FGF3: variants seen among roughly 807,000 people sequenced by gnomAD.
The protein encoded by FGF3 is FGF-3.
A neutral mutation model predicts 9.8 loss-of-function variants in FGF3; 7 were observed. The observed-to-expected ratio is 0.72, with a 90% CI of 0.41 to 1.35. The LOEUF is 1.35. Among genes scored for constraint, FGF3 ranks in the 40% most tolerant of loss-of-function variants. The pLI is 0.01. For missense variants in FGF3, 390 were observed against 345.6 expected, an observed-to-expected ratio of 1.13 and a Z score of -1.02; for synonymous variants, 173 against 157.2, an observed-to-expected ratio of 1.10 and a Z score of -0.75.
intron 2 of FGF3, among the ~76,000 whole-genome samples, chr11:69,813,645 T>G: frequency 7.5e-6 from 1 of 133,542 alleles, no homozygotes; most frequent in Non-Finnish European, 1.6e-5. Context: ...GATGGGTGGA[T>G]GGGTGGATGG....
intron 2 of FGF3, among the ~76,000 whole-genome samples, chr11:69,812,360 G>T (rs1338713583): frequency 6.6e-6 from 1 of 152,114 alleles, no homozygotes; most frequent in Admixed American, 6.5e-5. Flanking sequence ...TCAGCGACAT[G>T]AAAGCCCAGA....
At position 69,814,366 on chromosome 11, in the gene FGF3, G is replaced by A. The variant is rs1403812504; in HGVS notation, c.324+1954C>T. On this transcript the variant is annotated intron_variant, in intron 2 of 2. Transcript: ENST00000334134. ...TACCATGACTCCCAGCCCACTCTGG[G>A]TGAGAGTGAGTGGCTGGTGGGGCGA... is the stretch of plus-strand genomic sequence containing the variant. Among the ~76,000 whole-genome samples, 7 of 152,028 alleles carry A rather than the reference G, an allele frequency of 4.6e-5. No homozygotes were observed. The East Asian group carries it at 1.4e-3, about 29-fold the overall frequency.
intron 2 of FGF3, among the ~76,000 whole-genome samples, chr11:69,811,319 G>A (rs1451980496): frequency 2.0e-5 from 3 of 151,884 alleles, no homozygotes; most frequent in Non-Finnish European, 4.4e-5. Context: ...GTGTGGTGGC[G>A]TGCGCCCACA....
In FGF3 at chr11:69,810,515, G is replaced by T. The variant is rs782442441; in HGVS notation, c.510C>A (p.Arg170=). 3 of 1,609,990 alleles carry T rather than the reference G, an allele frequency of 1.9e-6. No homozygotes were observed. The African/African-American group carries it at 4.0e-5, about 21-fold the overall frequency. ...GGAACAGGGAGGACTTCTGTGTGCG[G>T]CGGGTCTTGAAGCCCCTGCGGGGCC... ...KGRPRRGFKT[R]RTQKSSLFLP... Residue 170 remains arginine, a synonymous_variant, in exon 3 of 3, where the codon CGC becomes CGA. Transcript: ENST00000334134.
At position 69,818,648 on chromosome 11, in the gene FGF3, C is replaced by T. The variant is rs1177100803; in HGVS notation, c.220+66G>A. 2.4e-6 allele frequency: 3 copies of T among 1,252,038 alleles called. No individual in the cohort carries two copies. In the East Asian group the frequency reaches 9.6e-5, roughly 40 times the overall value. The allele number at this position is 1,252,038 out of a possible 1,614,324, so 77.6% of individuals were successfully genotyped here. A position where few individuals can be genotyped will look rare whatever the true frequency, so the allele number is the denominator to read the frequency against. On this transcript the variant is annotated intron_variant, in intron 1 of 2. Coordinates refer to ENST00000334134, the MANE Select transcript of FGF3 (RefSeq NM_005247.4). ...CTCCCCCGCGGGGCCCCGCAGCGCG[C>T]CTTCTCCCGGGCCCGACCCCTCCCG...
At chr11:69,813,648 G>GTGGATGGGTGGATGGC (rs1856065682) in intron 2 of FGF3, among the ~76,000 whole-genome samples, 6 of 80,906 alleles carry the variant, frequency 7.4e-5, no homozygotes, top group East Asian at 9.1e-4. Context: ...GGGTGGATGG[G>GTGGATGGGTGGATGGC]TGGATGGATG....
At chr11:69,811,372 C>T (rs1332048480) in intron 2 of FGF3, among the ~76,000 whole-genome samples, 2 of 149,614 alleles carry the variant, frequency 1.3e-5, no homozygotes, top group Admixed American at 6.7e-5. Context: ...ATCACTTGAA[C>T]CCGGGAGGCA....
chr11:69,811,158 A>G lies in FGF3; in HGVS notation c.325-458T>C, dbSNP rs181099838. ...CAACACCCAGATCTCTTTTAAAGAA[A>G]TTGCAGAGGCTGGGCACGGTGGCTC... is the stretch of plus-strand genomic sequence containing the variant. On this transcript the variant is annotated intron_variant, in intron 2 of 2. Coordinates refer to ENST00000334134, the MANE Select transcript of FGF3 (RefSeq NM_005247.4). Among the ~76,000 whole-genome samples the G allele has an allele frequency of 1.3e-3, 198 of 152,316 alleles. 1 individual carries two copies. The highest frequency in any genetic ancestry group is 4.2e-3 in the African/African-American group (176 of 41,568).
At chr11:69,813,613 TGGG>T (rs782229488) in intron 2 of FGF3, among the ~76,000 whole-genome samples, 8,796 of 64,602 alleles carry the variant, frequency 0.14, 214 homozygotes, top group East Asian at 0.17. Context: ...GATGGATGGA[TGGG>T]TGGATGGATG....
chr11:69,813,842 GGT>G (rs1856079294), intron 2 of FGF3, among the ~76,000 whole-genome samples: 2 of 148,892 alleles, frequency 1.3e-5, no homozygotes, highest in Non-Finnish European at 3.0e-5. Context: ...GTGGATGGCT[GGT>G]TGGATGGATG....
intron 2 of FGF3, among the ~76,000 whole-genome samples, chr11:69,815,129 G>A (rs56809370): frequency 9.0e-6 from 1 of 110,814 alleles, no homozygotes; most frequent in South Asian, 2.8e-4. Context: ...ATGGATGGAT[G>A]GATGGATAGG....
In FGF3 at chr11:69,816,276, C is replaced by T. The variant is rs781797773; in HGVS notation, c.324+44G>A. ...CCCCTGGCTTGATGTGCAGGCCAGA[C>T]CGCTACTCCGTCAGCGCCCACCCAC... On this transcript the variant is annotated intron_variant, in intron 2 of 2. Coordinates refer to ENST00000334134, the MANE Select transcript of FGF3 (RefSeq NM_005247.4). The T allele has an allele frequency of 3.5e-6, 5 of 1,437,762 alleles. No individual in the cohort carries two copies. The Admixed American group carries it at 5.0e-5, about 14-fold the overall frequency. The allele number at this position is 1,437,762 out of a possible 1,614,324, so 89.1% of individuals were successfully genotyped here. A position where few individuals can be genotyped will look rare whatever the true frequency, so the allele number is the denominator to read the frequency against.
intron 2 of FGF3, among the ~76,000 whole-genome samples, chr11:69,813,564 ATGGG>A (rs1856060874): frequency 2.8e-5 from 4 of 144,586 alleles, no homozygotes; most frequent in South Asian, 2.2e-4. Flanking sequence ...GGATGGATGG[ATGGG>A]TGGATGGATG....
intron 2 of FGF3, among the ~76,000 whole-genome samples, chr11:69,812,764 C>T (rs1158226642): frequency 1.3e-5 from 2 of 152,170 alleles, no homozygotes; most frequent in African/African-American, 4.8e-5. Context: ...CTCGATCCTG[C>T]AGCAGGTGAG....
chr11:69,818,429 G>C (rs1423992626), intron 1 of FGF3, among the ~76,000 whole-genome samples: 1 of 152,088 alleles, frequency 6.6e-6, no homozygotes, highest in Non-Finnish European at 1.5e-5. Flanking sequence ...GACAGCCGCC[G>C]GCGCCCTCTT....
Position 69,818,973 on chromosome 11 carries a change from G to C in FGF3, c.-40C>G. 7.4e-7 allele frequency: 1 copy of C among 1,355,162 alleles called. No individual in the cohort carries two copies. Among genetic ancestry groups the C allele is most frequent in the Non-Finnish European group, 9.8e-7 (1 of 1,025,328 alleles). The allele number at this position is 1,355,162 out of a possible 1,614,324, so 83.9% of individuals were successfully genotyped here. A position where few individuals can be genotyped will look rare whatever the true frequency, so the allele number is the denominator to read the frequency against. ...CGCCCCGCGGCGGCGGCGGCTGCAG[G>C]CGAGCGCGGCGCCCATGGAAGGGGC... On this transcript the variant is annotated 5_prime_UTR_variant, in exon 1 of 3. Coordinates refer to ENST00000334134, the MANE Select transcript of FGF3 (RefSeq NM_005247.4).
chr11:69,818,233 C>A (rs1374897489), intron 1 of FGF3, among the ~76,000 whole-genome samples: 3 of 152,150 alleles, frequency 2.0e-5, no homozygotes, highest in African/African-American at 7.2e-5. Context: ...GTCCAGGGGT[C>A]GGCAGGAGGA....
intron 1 of FGF3, chr11:69,817,415 AGCACGAGTCTCGAC>A (rs1359588739): frequency 6.6e-6 from 1 of 152,290 alleles, no homozygotes; most frequent in Non-Finnish European, 1.5e-5. Context: ...GGACCAGCGA[AGCACGAGTCTCGAC>A]GCAGGACAGG....
In FGF3 at chr11:69,818,735, T is replaced by C. The variant is rs2119939215; in HGVS notation, c.199A>G (p.Ser67Gly). The change falls in exon 1 of 3, where the codon AGC (serine) becomes GGC (glycine). Residue 67 changes from serine (S) to glycine (G), a missense_variant. Ser to Gly is a moderately conservative substitution (Grantham distance 56). Coordinates refer to ENST00000334134, the MANE Select transcript of FGF3 (RefSeq NM_005247.4). Reference protein sequence around the residue: ...QLHPSGRVNGSLENSAYSILE... With the variant: ...QLHPSGRVNGGLENSAYSILE... ...TCACTGTAGGCGCTGTTCTCCAGGC[T>C]GCCGTTGACGCGGCCGCTCGGGTGC... The C allele has an allele frequency of 6.7e-7, 1 of 1,493,520 alleles. No individual in the cohort carries two copies. The highest frequency in any genetic ancestry group is 2.2e-5 in the Admixed American group (1 of 45,890). The allele number at this position is 1,493,520 out of a possible 1,614,324, so 92.5% of individuals were successfully genotyped here.
Sources: allele counts gnomAD v4.1 joint callset (sites outside exome capture counted in the v4.1 genomes callset), GRCh38; gene constraint gnomAD v4.1.1; transcripts MANE v1.5; gene names NCBI Gene and HGNC (gene_info 2026-07-23, HGNC 2026-07-21).